Variants in SFTPC observed in about 807,000 individuals in gnomAD.
SFTPC encodes the protein BRICHOS domain containing 6.
In SFTPC, 12 loss-of-function variants were observed where a neutral mutation model predicts 19.9. That is an observed-to-expected ratio of 0.60 (90% CI 0.39 to 0.98). The LOEUF (loss-of-function observed/expected upper bound fraction) is 0.98. SFTPC is among the 50% of genes least tolerant of loss of function. SFTPC has a pLI of 0.00. For missense variants in SFTPC, 219 were observed against 252.2 expected, an observed-to-expected ratio of 0.87 and a Z score of 0.89; for synonymous variants, 123 against 103.3, an observed-to-expected ratio of 1.19 and a Z score of -1.16.
intron 4 of SFTPC, 105 bp downstream of exon 4, chr8:22,163,651 T>C (rs1827874413): frequency 1.2e-6 from 1 of 867,428 alleles, no homozygotes; most frequent in African/African-American, 1.6e-5. Flanking sequence ...TGTTCCTCAT[T>C]GGCTGCCAGC....
intron 1 of SFTPC, 33 bp downstream of exon 1, chr8:22,161,903 G>A: frequency 1.9e-6 from 3 of 1,605,250 alleles, no homozygotes; most frequent in Non-Finnish European, 2.6e-6. Flanking sequence ...ATGTATGTGT[G>A]CGCGCGCACA....
upstream of SFTPC, among the ~76,000 whole-genome samples, chr8:22,160,384 C>T (rs1015838778): frequency 3.3e-5 from 5 of 152,104 alleles, no homozygotes; most frequent in African/African-American, 7.2e-5. Context: ...TTTAGGAGGC[C>T]GAGATCACTT....
upstream of SFTPC, chr8:22,161,772 T>TAA (rs545529507): frequency 9.0e-5 from 145 of 1,613,728 alleles, 2 homozygotes; most frequent in East Asian, 2.9e-3. Context: ...CGGACACATA[T>TAA]AAGACCCTGG....
upstream of SFTPC, among the ~76,000 whole-genome samples, chr8:22,161,492 G>T (rs1241044587): frequency 6.6e-6 from 1 of 152,190 alleles, no homozygotes; most frequent in Non-Finnish European, 1.5e-5. Context: ...GGGCAGCAGG[G>T]GCAGGTGCCA....
At chr8:22,159,948 T>C, upstream of SFTPC, 1 of 786,270 alleles carries the variant, frequency 1.3e-6, no homozygotes, top group Non-Finnish European at 1.8e-6. Context: ...GCAGGCGAGC[T>C]GTCTCCCACA....
At chr8:22,161,628 A>G, upstream of SFTPC, 1 of 1,531,466 alleles carries the variant, frequency 6.5e-7, no homozygotes, top group East Asian at 2.3e-5. Flanking sequence ...GCCAGGGCCA[A>G]GGGCCCTTGG....
intron 1 of SFTPC, 116 bp downstream of exon 1, chr8:22,161,986 C>T: frequency 9.3e-7 from 1 of 1,073,990 alleles, no homozygotes; most frequent in Non-Finnish European, 1.4e-6. Flanking sequence ...ACTCAACTAA[C>T]CTAGGACTGT....
intron 2 of SFTPC, 112 bp from the exon 3 acceptor site, chr8:22,162,968 A>T: frequency 6.6e-7 from 1 of 1,511,330 alleles, no homozygotes; most frequent in Non-Finnish European, 9.1e-7. Flanking sequence ...GCCTCCCTGA[A>T]CTCTTGGGAA....
chr8:22,158,323 G>C (rs1054844559), upstream of SFTPC, among the ~76,000 whole-genome samples: 7 of 152,208 alleles, frequency 4.6e-5, no homozygotes, highest in Non-Finnish European at 8.8e-5. Flanking sequence ...TGCCAGCTTG[G>C]GGGGAGGGAA....
chr8:22,163,659 A>G (rs1827874810), intron 4 of SFTPC, 113 bp downstream of exon 4: 2 of 835,328 alleles, frequency 2.4e-6, no homozygotes, highest in Non-Finnish European at 4.0e-6. Context: ...ATTGGCTGCC[A>G]GCTGACTGCC....
upstream of SFTPC, chr8:22,159,465 C>T (rs1455297488): frequency 3.1e-6 from 1 of 327,404 alleles, no homozygotes; most frequent in African/African-American, 2.2e-5. Flanking sequence ...TCTGTGTCTC[C>T]TTCTCCAAGG....
chr8:22,162,759 G>A (rs1450933257), intron 2 of SFTPC, 27 bp downstream of exon 2: 1 of 1,613,612 alleles, frequency 6.2e-7, no homozygotes, highest in South Asian at 1.1e-5. Flanking sequence ...GCACAGCAGT[G>A]GGCACAGGAC....
At chr8:22,159,644 C>G, upstream of SFTPC, 1 of 548,264 alleles carries the variant, frequency 1.8e-6, no homozygotes, top group Non-Finnish European at 3.2e-6. Context: ...CAGGGGAGAC[C>G]AAGGACCAGA....
chr8:22,162,470 G>A (rs1475610456), intron 1 of SFTPC, 104 bp from the exon 2 acceptor site: 2 of 1,326,234 alleles, frequency 1.5e-6, no homozygotes, highest in Admixed American at 1.7e-5. Flanking sequence ...CGCATCGGCT[G>A]TCCAGCCCTA....
upstream of SFTPC, chr8:22,161,734 G>T (rs778358826): frequency 3.2e-5 from 51 of 1,612,160 alleles, no homozygotes; most frequent in South Asian, 1.3e-4. Context: ...CAGGGGGCTT[G>T]GTCCTTCACC....
upstream of SFTPC, chr8:22,161,737 C>G (rs79647630): frequency 9.8e-3 from 15,876 of 1,612,552 alleles, 122 homozygotes; most frequent in Non-Finnish European, 0.012. Flanking sequence ...GGGGCTTGGT[C>G]CTTCACCTCT....
At chr8:22,161,616 G>A (rs905718380), upstream of SFTPC, 5 of 1,480,792 alleles carry the variant, frequency 3.4e-6, no homozygotes, top group Non-Finnish European at 9.0e-7. Context: ...GAGGACTCAT[G>A]TGCCAGGGCC....
chr8:22,159,999 C>T (rs938178021), upstream of SFTPC: 7 of 419,918 alleles, frequency 1.7e-5, no homozygotes, highest in South Asian at 7.7e-5. Context: ...TGAGAGGATG[C>T]TTCTGTGGGC....
Position 22,163,965 on chromosome 8 carries a change from C to T in SFTPC, c.500C>T (p.Pro167Leu), listed in dbSNP as rs1474791847. 1 of 1,613,178 alleles carries T rather than the reference C, an allele frequency of 6.2e-7. No individual in the cohort carries two copies. Among genetic ancestry groups the T allele is most frequent in the Non-Finnish European group, 8.5e-7 (1 of 1,180,044 alleles). Residue 167 changes from proline (P) to leucine (L), a missense_variant, in exon 5 of 6, where the codon CCC (proline) becomes CTC (leucine). Physicochemically the swap from Pro to Leu is moderately conservative, Grantham distance 98 (BLOSUM62 -3). Coordinates refer to ENST00000679463, the MANE Select transcript of SFTPC (RefSeq NM_001317778.2). Reference protein sequence around the residue: ...QAEGRDAGSAPSGGDPAFLGM... With the variant: ...QAEGRDAGSALSGGDPAFLGM... ...GAGGGGCGAGATGCAGGCTCAGCAC[C>T]CTCCGGAGGGGACCCGGCCTTCCTG...
Sources: gnomAD v4.1 joint callset for allele counts (sites outside exome capture counted in the v4.1 genomes callset) on GRCh38, gnomAD v4.1.1 for gene constraint, MANE v1.5 for transcripts, NCBI Gene and HGNC (gene_info 2026-07-23, HGNC 2026-07-21) for gene names.